DLG2: variants seen among roughly 807,000 people sequenced by gnomAD.
DLG2 encodes discs large MAGUK scaffold protein 2, also known as disks large homolog 2.
DLG2 carries 45 observed loss-of-function variants against 132.5 expected under a neutral mutation model. The observed-to-expected ratio is 0.34, with a 90% CI of 0.27 to 0.44. The LOEUF is 0.44. Ranked by LOEUF, DLG2 falls within the 20% of genes least tolerant of loss-of-function variation. The probability of loss-of-function intolerance (pLI) is 1.00; values close to 1 mark genes in which losing one functional copy is unlikely to be tolerated. For synonymous variants in DLG2, 424 were observed against 419.6 expected, an observed-to-expected ratio of 1.01 and a Z score of -0.13; for missense variants, 1,045 against 1,196.9, an observed-to-expected ratio of 0.87 and a Z score of 1.87.
intron 4 of DLG2, among the ~76,000 whole-genome samples, chr11:85,180,994 T>A (rs11823560): frequency 6.6e-6 from 1 of 151,750 alleles, no homozygotes; most frequent in Non-Finnish European, 1.5e-5. Context: ...GACAATTTTT[T>A]AATTATTCAT....
chr11:83,684,111 G>C (rs933934234), intron 18 of DLG2, among the ~76,000 whole-genome samples: 1 of 151,956 alleles, frequency 6.6e-6, no homozygotes, highest in African/African-American at 2.4e-5. Flanking sequence ...TACACTTACA[G>C]CCACTAAGTC....
chr11:84,594,010 G>A (rs992691179), intron 6 of DLG2, among the ~76,000 whole-genome samples: 7 of 152,072 alleles, frequency 4.6e-5, no homozygotes, highest in African/African-American at 1.7e-4. Context: ...CCCAAGAAAT[G>A]CCAATACATT....
In DLG2 at chr11:83,577,749, A is replaced by T. The variant is rs1342483756; in HGVS notation, c.1941-35891T>A. Among the ~76,000 whole-genome samples the T allele has an allele frequency of 3.1e-5, 4 of 127,254 alleles. No homozygotes were observed. In the East Asian group the frequency reaches 8.5e-4, roughly 27 times the overall value. 83.5% of individuals were successfully genotyped at this position (127,254 alleles called of 152,430 possible). A position where few individuals can be genotyped will look rare whatever the true frequency, so the allele number is the denominator to read the frequency against. On this transcript the variant is annotated intron_variant, in intron 19 of 27. Transcript: ENST00000376104. Reference sequence around the variant, plus strand: ...TTATCCTATAAATAGGATATTATAAATATATAATTATTAAATTAAAAATAT... The same window carrying T: ...TTATCCTATAAATAGGATATTATAATTATATAATTATTAAATTAAAAATAT...
intron 3 of DLG2, among the ~76,000 whole-genome samples, chr11:85,425,237 C>T (rs529483367): frequency 1.3e-5 from 2 of 152,074 alleles, no homozygotes; most frequent in South Asian, 4.2e-4. Flanking sequence ...AACTTCAATG[C>T]TTATAAACAA....
chr11:83,533,626 C>T (rs1216857252), intron 20 of DLG2, among the ~76,000 whole-genome samples: 1 of 152,074 alleles, frequency 6.6e-6, no homozygotes, highest in Admixed American at 6.6e-5. Flanking sequence ...AGGGAAATTT[C>T]AGGGGGATTT....
chr11:84,636,734 C>T (rs540244355), intron 6 of DLG2, among the ~76,000 whole-genome samples: 2 of 151,126 alleles, frequency 1.3e-5, no homozygotes, highest in Non-Finnish European at 2.9e-5. Context: ...TTATAAGGTA[C>T]TTGGAGAAAA....
At chr11:85,619,705 G>A (rs917569663) in intron 2 of DLG2, among the ~76,000 whole-genome samples, 3 of 151,844 alleles carry the variant, frequency 2.0e-5, no homozygotes, top group Admixed American at 1.3e-4. Context: ...ACAGTGGCAG[G>A]CGCCTGTAAT....
At chr11:85,120,550 A>G (rs1394489841) in intron 5 of DLG2, among the ~76,000 whole-genome samples, 2 of 152,052 alleles carry the variant, frequency 1.3e-5, no homozygotes, top group African/African-American at 4.8e-5. Context: ...AATATCAAGA[A>G]ATTATCCTTG....
At chr11:83,943,475 G>A (rs1043929714) in intron 14 of DLG2, among the ~76,000 whole-genome samples, 15 of 152,104 alleles carry the variant, frequency 9.9e-5, no homozygotes, top group African/African-American at 3.4e-4. Flanking sequence ...TAACTAACAT[G>A]GCATTATGAG....
intron 7 of DLG2, among the ~76,000 whole-genome samples, chr11:84,354,805 C>A (rs2098601270): frequency 6.6e-6 from 1 of 152,064 alleles, no homozygotes; most frequent in Admixed American, 6.6e-5. Flanking sequence ...GTTGTCAATA[C>A]TTCATGTGAA....
intron 5 of DLG2, among the ~76,000 whole-genome samples, chr11:85,143,681 G>A (rs1393246667): frequency 2.0e-5 from 3 of 151,412 alleles, no homozygotes; most frequent in Non-Finnish European, 4.4e-5. Context: ...TTTCTTCATT[G>A]ACCTGCTTGT....
chr11:85,116,421 G>A (rs559613564), intron 5 of DLG2, among the ~76,000 whole-genome samples: 3 of 151,754 alleles, frequency 2.0e-5, no homozygotes, highest in East Asian at 3.9e-4. Context: ...ATCTATATTT[G>A]TATGTATGTA....
At chr11:84,717,905 A>G (rs993334034) in intron 6 of DLG2, among the ~76,000 whole-genome samples, 3 of 152,098 alleles carry the variant, frequency 2.0e-5, no homozygotes, top group South Asian at 2.1e-4. Flanking sequence ...GCCACTTTAC[A>G]TATGAAGAAA....
rs150117615 is a variant in DLG2 at position 85,141,385 on chromosome 11, A to C, written c.282+13171T>G. Among the ~76,000 whole-genome samples the C allele has an allele frequency of 3.3e-5, 5 of 151,958 alleles. No individual in the cohort carries two copies. The East Asian group carries it at 9.7e-4, about 29-fold the overall frequency. ...ATCTTCTTTTGAGAAATCTCTGTTC[A>C]GATCTTTTGTCCATTTTAAAATCAG... On this transcript the variant is annotated intron_variant, in intron 5 of 27. Transcript: ENST00000376104.
At chr11:84,978,610 A>G (rs978234252) in intron 6 of DLG2, among the ~76,000 whole-genome samples, 22 of 152,210 alleles carry the variant, frequency 1.4e-4, no homozygotes, top group Non-Finnish European at 2.4e-4. Flanking sequence ...CTGGCTAGCC[A>G]TATGTAGAAA....
At chr11:83,767,657 C>A (rs1435955166) in intron 18 of DLG2, among the ~76,000 whole-genome samples, 1 of 152,144 alleles carries the variant, frequency 6.6e-6, no homozygotes, top group Non-Finnish European at 1.5e-5. Context: ...ACAATCATAG[C>A]CCCTATCTCA....
chr11:85,088,902 T>C (rs1215964020), intron 6 of DLG2, among the ~76,000 whole-genome samples: 2 of 152,182 alleles, frequency 1.3e-5, no homozygotes, highest in Non-Finnish European at 2.9e-5. Flanking sequence ...CATGGTTCAG[T>C]AACATTAAAC....
chr11:84,094,052 T>C (rs1467717436), intron 10 of DLG2, among the ~76,000 whole-genome samples: 3 of 152,084 alleles, frequency 2.0e-5, no homozygotes, highest in Non-Finnish European at 4.4e-5. Flanking sequence ...ACATGTGCCA[T>C]GCTGGTAACA....
At chr11:84,632,509 T>A (rs1212273697) in intron 6 of DLG2, among the ~76,000 whole-genome samples, 2 of 152,290 alleles carry the variant, frequency 1.3e-5, no homozygotes, top group African/African-American at 4.8e-5. Flanking sequence ...CACTGCAACA[T>A]GTAAATTTGA....
Sources: gnomAD v4.1 joint callset for allele counts (sites outside exome capture counted in the v4.1 genomes callset) on GRCh38, gnomAD v4.1.1 for gene constraint, MANE v1.5 for transcripts, NCBI Gene and HGNC (gene_info 2026-07-23, HGNC 2026-07-21) for gene names.